Variants in PTPRM observed in about 807,000 individuals in gnomAD.
The protein encoded by PTPRM is protein tyrosine phosphatase receptor type M.
PTPRM carries 47 observed loss-of-function variants against 186.7 expected under a neutral mutation model. The observed-to-expected ratio is 0.25, with a 90% CI of 0.20 to 0.32. The LOEUF is 0.32. Ranked by LOEUF, PTPRM falls within the 10% of genes least tolerant of loss-of-function variation. The pLI is 1.00. For missense variants in PTPRM, 1,494 were observed against 1,865.0 expected, an observed-to-expected ratio of 0.80 and a Z score of 3.66; for synonymous variants, 668 against 674.9, an observed-to-expected ratio of 0.99 and a Z score of 0.16.
intron 2 of PTPRM, among the ~76,000 whole-genome samples, chr18:7,791,969 C>T (rs1300187594): frequency 6.6e-6 from 1 of 152,116 alleles, no homozygotes; most frequent in African/African-American, 2.4e-5. Flanking sequence ...AAAATATTCT[C>T]TTCCCTTAAC....
intron 7 of PTPRM, among the ~76,000 whole-genome samples, chr18:8,005,538 A>C (rs2084127788): frequency 6.6e-6 from 1 of 152,188 alleles, no homozygotes; most frequent in Non-Finnish European, 1.5e-5. Flanking sequence ...CAGATGGGTA[A>C]ACTGTGATTC....
At chr18:8,037,179 T>G (rs1301104810) in intron 7 of PTPRM, among the ~76,000 whole-genome samples, 7 of 152,232 alleles carry the variant, frequency 4.6e-5, no homozygotes, top group African/African-American at 1.4e-4. Flanking sequence ...TAAAGGTTTC[T>G]TCAAAATCCC....
At chr18:7,620,448 G>C (rs550895649) in intron 1 of PTPRM, among the ~76,000 whole-genome samples, 11 of 152,136 alleles carry the variant, frequency 7.2e-5, no homozygotes, top group African/African-American at 1.2e-4. Flanking sequence ...CACAGATGAG[G>C]ACAACTCTGT....
At chr18:8,396,850 T>C (rs1384390016) in intron 32 of PTPRM, among the ~76,000 whole-genome samples, 1 of 152,212 alleles carries the variant, frequency 6.6e-6, no homozygotes, top group African/African-American at 2.4e-5. Context: ...CTCTTTTCAG[T>C]GGGTTTGAAG....
chr18:8,314,985 C>A, intron 21 of PTPRM, 128 bp downstream of exon 21: 1 of 564,788 alleles, frequency 1.8e-6, no homozygotes, highest in Non-Finnish European at 3.0e-6. Context: ...TAAACCCAAC[C>A]ATTCTGACAT....
At position 7,955,194 on chromosome 18, in the gene PTPRM, C is replaced by T. The variant is rs1365983690; in HGVS notation, c.912C>T (p.Ala304=). The T allele has an allele frequency of 6.2e-7, 1 of 1,614,190 alleles. No homozygotes were observed. Among genetic ancestry groups the T allele is most frequent in the South Asian group, 1.1e-5 (1 of 91,088 alleles). ...GATYLWIQLN[A]NSINGDGPIV... The stretch of plus-strand genomic sequence containing the variant: ...CCTACCTGTGGATACAGCTCAACGC[C>T]AACTCCATCAATGGGGATGGGCCCA... The change falls in exon 7 of 33, where the codon GCC becomes GCT. Residue 304 remains alanine (A), a synonymous_variant. Transcript: ENST00000580170.
chr18:8,344,448 G>GTGTATA lies in PTPRM; in HGVS notation c.3054+929_3054+930insGTATAT, dbSNP rs1360655194. On this transcript the variant is annotated intron_variant, in intron 23 of 32. Transcript: ENST00000580170. Reference sequence around the variant, plus strand: ...TATATATATGTGTGTGTGTGTGTGTGTATATATATATATATATATATATAT... The same window carrying GTGTATA: ...TATATATATGTGTGTGTGTGTGTGTGTGTATATATATATATATATATATATATATAT... Among the ~76,000 whole-genome samples the GTGTATA allele has an allele frequency of 9.6e-4, 32 of 33,424 alleles. No homozygotes were observed. In the South Asian group the frequency reaches 0.016, roughly 17 times the overall value. The allele number at this position is 33,424 out of a possible 152,430, so 21.9% of individuals were successfully genotyped here.
chr18:7,631,638 T>A (rs1488586597), intron 1 of PTPRM, among the ~76,000 whole-genome samples: 4 of 151,892 alleles, frequency 2.6e-5, no homozygotes, highest in Admixed American at 2.6e-4. Flanking sequence ...AACATTATGA[T>A]TTTTTTTGCA....
At chr18:8,388,916 G>A (rs566670757) in intron 31 of PTPRM, among the ~76,000 whole-genome samples, 22 of 152,180 alleles carry the variant, frequency 1.4e-4, no homozygotes, top group African/African-American at 5.3e-4. Flanking sequence ...AGCCGAGATG[G>A]CGCCACTGCA....
At chr18:8,285,194 G>A (rs2094943081) in intron 19 of PTPRM, among the ~76,000 whole-genome samples, 1 of 152,142 alleles carries the variant, frequency 6.6e-6, no homozygotes, top group Non-Finnish European at 1.5e-5. Flanking sequence ...GACATTCACA[G>A]GTTTTAATAC....
intron 7 of PTPRM, among the ~76,000 whole-genome samples, chr18:7,966,839 A>G (rs1286406819): frequency 7.7e-6 from 1 of 129,186 alleles, no homozygotes; most frequent in African/African-American, 2.5e-5. Context: ...CCAGCACAGC[A>G]GTCTGAGATC....
chr18:8,378,724 G>A (rs2148499407), intron 27 of PTPRM, among the ~76,000 whole-genome samples: 1 of 152,320 alleles, frequency 6.6e-6, no homozygotes, highest in South Asian at 2.1e-4. Flanking sequence ...CCAACACCAT[G>A]GCTCCTTGTC....
At chr18:7,665,696 G>T (rs551812201) in intron 1 of PTPRM, among the ~76,000 whole-genome samples, 24 of 152,196 alleles carry the variant, frequency 1.6e-4, no homozygotes, top group African/African-American at 5.1e-4. Flanking sequence ...GGAGGCCGAG[G>T]GGGGTGGATC....
chr18:8,287,337 G>T (rs1228474705), intron 19 of PTPRM, among the ~76,000 whole-genome samples: 2 of 152,184 alleles, frequency 1.3e-5, no homozygotes, highest in Admixed American at 1.3e-4. Flanking sequence ...TGCATGCTGG[G>T]TGTGTCACAC....
At chr18:8,245,290 G>A (rs774238419) in intron 15 of PTPRM, among the ~76,000 whole-genome samples, 11 of 152,064 alleles carry the variant, frequency 7.2e-5, no homozygotes, top group Admixed American at 2.0e-4. Context: ...TGCTTGTAGC[G>A]GCTGCAGTTG....
chr18:8,343,561 G>T (rs1363291779), intron 23 of PTPRM, 41 bp downstream of exon 23: 2 of 1,579,312 alleles, frequency 1.3e-6, no homozygotes, highest in South Asian at 2.2e-5. Context: ...TTTGTTCCTT[G>T]CTTAGTTGGT....
intron 2 of PTPRM, among the ~76,000 whole-genome samples, chr18:7,806,588 G>T (rs1228977345): frequency 6.6e-6 from 1 of 152,202 alleles, no homozygotes; most frequent in African/African-American, 2.4e-5. Context: ...GTCTTGGAAA[G>T]ATGGAGCCAC....
chr18:7,581,880 A>C (rs189655768), intron 1 of PTPRM, among the ~76,000 whole-genome samples: 13 of 152,086 alleles, frequency 8.5e-5, no homozygotes, highest in Non-Finnish European at 1.5e-4. Context: ...GACTAGTCTC[A>C]AGCTCCTCGC....
intron 14 of PTPRM, among the ~76,000 whole-genome samples, chr18:8,152,363 A>G (rs1392051822): frequency 6.6e-6 from 1 of 152,138 alleles, no homozygotes; most frequent in Non-Finnish European, 1.5e-5. Flanking sequence ...GCGAGTTAAT[A>G]TTCCAGTATA....
Sources: allele counts gnomAD v4.1 joint callset (sites outside exome capture counted in the v4.1 genomes callset), GRCh38; gene constraint gnomAD v4.1.1; transcripts MANE v1.5; gene names NCBI Gene and HGNC (gene_info 2026-07-23, HGNC 2026-07-21).